The following KCNC4 variants were observed in gnomAD, a reference collection of about 807,000 sequenced individuals.
KCNC4 encodes voltage-gated potassium channel KCNC4.
In KCNC4, 23 loss-of-function variants were observed where a neutral mutation model predicts 42.8. The ratio of observed to expected loss-of-function variants is 0.54; its 90% CI spans 0.39 to 0.76. The LOEUF (loss-of-function observed/expected upper bound fraction) is 0.76, where lower values mean the gene tolerates loss of function less well. Among genes scored for constraint, KCNC4 ranks in the 30% least tolerant of loss-of-function variants. KCNC4 has a pLI of 0.00. For missense variants in KCNC4, 751 were observed against 898.2 expected (o/e 0.84, Z 2.10); for synonymous variants, 422 against 393.5 (o/e 1.07, Z -0.86).
chr1:110,268,609 A>C (rs1659585410), intron 1 of KCNC4, among the ~76,000 whole-genome samples: 2 of 128,580 alleles, frequency 1.6e-5, no homozygotes. Context: ...CTGTCTCAAA[A>C]GAAAAAAAAA....
At chr1:110,232,365 C>G in intron 3 of KCNC4, 1 of 1,584,274 alleles carries the variant, frequency 6.3e-7, no homozygotes, top group Non-Finnish European at 8.6e-7. Flanking sequence ...TCACCAGCTC[C>G]TTGGGACAAT....
At chr1:110,269,665 C>G (rs143891124) in intron 1 of KCNC4, among the ~76,000 whole-genome samples, 1 of 151,782 alleles carries the variant, frequency 6.6e-6, no homozygotes, top group South Asian at 2.1e-4. Flanking sequence ...TACCTAGGAA[C>G]GGGATTTATG....
exon 4 of KCNC4, chr1:110,245,440 A>G (rs1186237835): frequency 1.3e-5 from 2 of 152,206 alleles, no homozygotes; most frequent in East Asian, 1.9e-4. Context: ...TGGCATTCAC[A>G]TGAAGACCCA....
chr1:110,266,291 C>G (rs919505220), intron 1 of KCNC4, among the ~76,000 whole-genome samples: 1 of 152,114 alleles, frequency 6.6e-6, no homozygotes, highest in Non-Finnish European at 1.5e-5. Context: ...CATTCATAGC[C>G]GCAACACCGA....
At chr1:110,257,379 TA>T (rs2101072028) in intron 1 of KCNC4, among the ~76,000 whole-genome samples, 1 of 151,096 alleles carries the variant, frequency 6.6e-6, no homozygotes, top group South Asian at 2.1e-4. Context: ...TGTCTAGTTC[TA>T]AAATAAATTG....
intron 1 of KCNC4, among the ~76,000 whole-genome samples, chr1:110,217,060 G>A (rs1165133046): frequency 1.3e-5 from 2 of 152,198 alleles, no homozygotes; most frequent in Non-Finnish European, 2.9e-5. Flanking sequence ...CCATACACAT[G>A]TGGGGTTCTA....
intron 1 of KCNC4, among the ~76,000 whole-genome samples, chr1:110,273,624 G>A (rs150078883): frequency 9.6e-4 from 147 of 152,340 alleles, no homozygotes; most frequent in Non-Finnish European, 1.8e-3. Flanking sequence ...GCAAATCGTG[G>A]AACTATGTGC....
exon 4 of KCNC4, chr1:110,242,403 C>G (rs1341321166): frequency 6.6e-6 from 1 of 152,250 alleles, no homozygotes; most frequent in Admixed American, 6.5e-5. Flanking sequence ...ACTCCTGCTA[C>G]ATAAGTGGAC....
intron 1 of KCNC4, among the ~76,000 whole-genome samples, chr1:110,271,056 A>T (rs1315883261): frequency 6.6e-6 from 1 of 152,212 alleles, no homozygotes; most frequent in Non-Finnish European, 1.5e-5. Flanking sequence ...AATAGAAAAC[A>T]AACAAACAAG....
intron 1 of KCNC4, among the ~76,000 whole-genome samples, chr1:110,255,508 G>A (rs1194702618): frequency 6.6e-6 from 1 of 152,338 alleles, no homozygotes. Context: ...ACAGAGCCGG[G>A]TGTATTTTTA....
downstream of KCNC4, chr1:110,238,872 C>G (rs1203475410): frequency 6.6e-6 from 1 of 152,194 alleles, no homozygotes; most frequent in Non-Finnish European, 1.5e-5. Flanking sequence ...CCAACAGGAT[C>G]CCTGCCCTCA....
At chr1:110,257,444 G>A (rs1571073482) in intron 1 of KCNC4, among the ~76,000 whole-genome samples, 1 of 151,860 alleles carries the variant, frequency 6.6e-6, no homozygotes, top group South Asian at 2.1e-4. Flanking sequence ...GACCGGGTGC[G>A]GTGGCTCACG....
chr1:110,272,445 T>C (rs1659651292), intron 1 of KCNC4: 1 of 152,062 alleles, frequency 6.6e-6, no homozygotes, highest in South Asian at 2.1e-4. Flanking sequence ...AGAGACACCA[T>C]AGAGGCCCCA....
At chr1:110,274,435 G>T (rs1348699677) in intron 1 of KCNC4, among the ~76,000 whole-genome samples, 2 of 152,214 alleles carry the variant, frequency 1.3e-5, no homozygotes, top group East Asian at 3.9e-4. Flanking sequence ...TGACCATACT[G>T]CCCAAAGCAA....
intron 3 of KCNC4, chr1:110,228,739 C>G (rs1458894152): frequency 6.6e-6 from 1 of 152,562 alleles, no homozygotes; most frequent in South Asian, 2.1e-4. Flanking sequence ...CAAACAGGCA[C>G]CCTTCCATGC....
chr1:110,264,045 AG>A (rs1403944295), intron 1 of KCNC4, among the ~76,000 whole-genome samples: 1 of 152,132 alleles, frequency 6.6e-6, no homozygotes, highest in African/African-American at 2.4e-5. Flanking sequence ...TTAACTGAAC[AG>A]GTGTCTTCTG....
chr1:110,276,626 C>A (rs61784535), intron 1 of KCNC4, among the ~76,000 whole-genome samples: 1 of 152,090 alleles, frequency 6.6e-6, no homozygotes, highest in Non-Finnish European at 1.5e-5. Flanking sequence ...CCAGTCCAGC[C>A]TGTTTGGGTT....
At chr1:110,215,411 C>T (rs554506565) in intron 1 of KCNC4, among the ~76,000 whole-genome samples, 94 of 152,284 alleles carry the variant, frequency 6.2e-4, no homozygotes, top group African/African-American at 2.1e-3. Context: ...TGGCAGCATC[C>T]GAAACTTTAG....
At chr1:110,264,986 C>G (rs1316963812) in intron 1 of KCNC4, among the ~76,000 whole-genome samples, 1 of 147,764 alleles carries the variant, frequency 6.8e-6, no homozygotes, top group African/African-American at 2.5e-5. Flanking sequence ...GAGGCTGGGG[C>G]GGGAGAATCA....
Sources: allele counts gnomAD v4.1 joint callset (sites outside exome capture counted in the v4.1 genomes callset), GRCh38; gene constraint gnomAD v4.1.1; transcripts MANE v1.5; gene names NCBI Gene and HGNC (gene_info 2026-07-23, HGNC 2026-07-21).